The following RIN2 variants were observed in gnomAD, a reference collection of about 807,000 sequenced individuals.
RIN2 encodes the protein Ras and Rab interactor 2.
A neutral mutation model predicts 78.0 loss-of-function variants in RIN2; 36 were observed. The ratio of observed to expected loss-of-function variants is 0.46; its 90% CI spans 0.35 to 0.61. The LOEUF (loss-of-function observed/expected upper bound fraction) is 0.61. Among genes scored for constraint, RIN2 ranks in the 20% least tolerant of loss-of-function variants. RIN2 has a pLI of 0.00. For synonymous variants in RIN2, 466 were observed against 466.8 expected (o/e 1.00, Z 0.02); for missense variants, 1,087 against 1,159.7 (o/e 0.94, Z 0.91).
intron 3 of RIN2, among the ~76,000 whole-genome samples, chr20:19,903,080 G>A (rs1208919386): frequency 3.3e-5 from 5 of 152,092 alleles, no homozygotes; most frequent in African/African-American, 9.7e-5. Flanking sequence ...GCAACAGAGC[G>A]AGACTCTGTC....
At chr20:19,845,640 TG>T (rs2036757794) in intron 2 of RIN2, among the ~76,000 whole-genome samples, 1 of 152,036 alleles carries the variant, frequency 6.6e-6, no homozygotes, top group African/African-American at 2.4e-5. Flanking sequence ...CTTTGTCAGA[TG>T]GATAGATTGC....
Position 19,929,508 on chromosome 20 carries a change from C to T in RIN2, c.58-5591C>T, listed in dbSNP as rs547172626. On this transcript the variant is annotated intron_variant, in intron 3 of 12. Transcript: ENST00000255006. ...TCCCAAGTAGCTGGAATTATAGGCACATGCCACCATACCCAGCGAATTTTT... is the reference window on the plus strand; with the variant it reads ...TCCCAAGTAGCTGGAATTATAGGCATATGCCACCATACCCAGCGAATTTTT... Among the ~76,000 whole-genome samples the T allele has an allele frequency of 2.6e-5, 4 of 152,284 alleles. No individual in the cohort carries two copies. The South Asian group carries it at 8.3e-4, about 32-fold the overall frequency.
chr20:19,774,251 AC>A (rs560204356), intron 1 of RIN2, among the ~76,000 whole-genome samples: 89 of 152,300 alleles, frequency 5.8e-4, no homozygotes, highest in African/African-American at 2.1e-3. Flanking sequence ...GTACCAGTTC[AC>A]TGAATCAGGA....
At chr20:19,902,598 G>A (rs1976322384) in intron 3 of RIN2, among the ~76,000 whole-genome samples, 1 of 152,204 alleles carries the variant, frequency 6.6e-6, no homozygotes, top group South Asian at 2.1e-4. Context: ...GGCATAGGAG[G>A]TTCTCAGTCC....
At chr20:19,772,161 C>A (rs1030301837) in intron 1 of RIN2, among the ~76,000 whole-genome samples, 6 of 152,238 alleles carry the variant, frequency 3.9e-5, no homozygotes, top group Non-Finnish European at 8.8e-5. Flanking sequence ...TTTCCTGGGT[C>A]ATTTCCATCC....
chr20:19,863,137 G>A (rs1379986773), intron 2 of RIN2, among the ~76,000 whole-genome samples: 1 of 152,204 alleles, frequency 6.6e-6, no homozygotes, highest in Admixed American at 6.5e-5. Context: ...GCATGTGTGT[G>A]CAAGAAGAAA....
At chr20:19,762,756 T>TTTTATTTA (rs3059547) in intron 1 of RIN2, among the ~76,000 whole-genome samples, 11,731 of 151,174 alleles carry the variant, frequency 0.078, 454 homozygotes, top group South Asian at 0.11. Flanking sequence ...ATGTGATTTA[T>TTTTATTTA]TTTATTTATT....
intron 12 of RIN2, among the ~76,000 whole-genome samples, chr20:19,998,925 C>G (rs2146430667): frequency 6.6e-6 from 1 of 152,298 alleles, no homozygotes; most frequent in South Asian, 2.1e-4. Flanking sequence ...ACCTGGAGAC[C>G]CTCAGACACC....
At chr20:19,852,266 T>C (rs2037006690) in intron 2 of RIN2, among the ~76,000 whole-genome samples, 2 of 152,170 alleles carry the variant, frequency 1.3e-5, no homozygotes, top group Non-Finnish European at 2.9e-5. Flanking sequence ...GTGGGTAACA[T>C]GACCAAGGTG....
intron 2 of RIN2, among the ~76,000 whole-genome samples, chr20:19,857,097 C>A (rs2037192510): frequency 6.6e-6 from 1 of 152,168 alleles, no homozygotes; most frequent in African/African-American, 2.4e-5. Flanking sequence ...TTTTCATTAT[C>A]CCGGATGGTT....
At chr20:19,827,417 C>T (rs1225609621) in intron 2 of RIN2, among the ~76,000 whole-genome samples, 2 of 152,178 alleles carry the variant, frequency 1.3e-5, no homozygotes, top group Non-Finnish European at 2.9e-5. Context: ...CAAAGAATTC[C>T]AAGAGCAATC....
chr20:19,803,829 G>A (rs2035321700), intron 2 of RIN2, among the ~76,000 whole-genome samples: 1 of 152,096 alleles, frequency 6.6e-6, no homozygotes, highest in Non-Finnish European at 1.5e-5. Context: ...CTATCCTTGA[G>A]CATGGGATGT....
intron 3 of RIN2, among the ~76,000 whole-genome samples, chr20:19,923,425 TAAATA>T (rs561665019): frequency 0.016 from 1,999 of 125,274 alleles, 27 homozygotes; most frequent in Non-Finnish European, 0.022. Context: ...CAAAATAAAA[TAAATA>T]AAATAAAATA....
chr20:19,870,298 A>T (rs565428708), intron 2 of RIN2, among the ~76,000 whole-genome samples: 6 of 152,334 alleles, frequency 3.9e-5, no homozygotes, highest in South Asian at 2.1e-4. Context: ...TCCAGGAACT[A>T]GTCCAGATCA....
chr20:19,804,502 A>G (rs1383457720), intron 2 of RIN2, among the ~76,000 whole-genome samples: 1 of 152,184 alleles, frequency 6.6e-6, no homozygotes, highest in Non-Finnish European at 1.5e-5. Context: ...AATTACCTTT[A>G]TTGATTTGCA....
chr20:19,780,487 C>A, intron 1 of RIN2, among the ~76,000 whole-genome samples: 1 of 152,068 alleles, frequency 6.6e-6, no homozygotes, highest in Admixed American at 6.5e-5. Context: ...CCACTGAGAT[C>A]TGGATGTAAT....
At chr20:19,776,256 A>G (rs576920204) in intron 1 of RIN2, among the ~76,000 whole-genome samples, 1 of 152,302 alleles carries the variant, frequency 6.6e-6, no homozygotes, top group East Asian at 1.9e-4. Flanking sequence ...TAACATCAAC[A>G]CAGAAACCTT....
intron 4 of RIN2, among the ~76,000 whole-genome samples, chr20:19,951,287 G>A (rs1568652068): frequency 6.6e-6 from 1 of 152,158 alleles, no homozygotes; most frequent in Admixed American, 6.5e-5. Context: ...TAATCCTACA[G>A]CCTGTTAAAA....
chr20:19,861,963 C>T (rs1490658487), intron 2 of RIN2, among the ~76,000 whole-genome samples: 2 of 117,504 alleles, frequency 1.7e-5, no homozygotes, highest in Non-Finnish European at 3.2e-5. Context: ...TTGATGCTCA[C>T]CCTCCATATC....
Sources: allele counts gnomAD v4.1 joint callset (sites outside exome capture counted in the v4.1 genomes callset), GRCh38; gene constraint gnomAD v4.1.1; transcripts MANE v1.5; gene names NCBI Gene and HGNC (gene_info 2026-07-23, HGNC 2026-07-21).